Variants in NR5A2 observed in about 807,000 individuals in gnomAD.
NR5A2 encodes the protein nuclear receptor subfamily 5 group A member 2.
In NR5A2, 26 loss-of-function variants were observed where a neutral mutation model predicts 62.7. The observed-to-expected ratio is 0.41, with a 90% CI of 0.30 to 0.58. NR5A2 has a LOEUF of 0.58. Ranked by LOEUF, NR5A2 falls within the 20% of genes least tolerant of loss-of-function variation. NR5A2 has a pLI of 0.22. For missense variants in NR5A2, 541 were observed against 669.1 expected, an observed-to-expected ratio of 0.81 and a Z score of 2.11; for synonymous variants, 246 against 241.7, an observed-to-expected ratio of 1.02 and a Z score of -0.16.
intron 6 of NR5A2, among the ~76,000 whole-genome samples, chr1:200,117,678 GTCTTCCT>G (rs1666287118): frequency 1.3e-5 from 2 of 151,816 alleles, no homozygotes; most frequent in Admixed American, 6.6e-5. Flanking sequence ...TTTTAGTATG[GTCTTCCT>G]GATTCAGGCC....
intron 5 of NR5A2, among the ~76,000 whole-genome samples, chr1:200,070,267 CTT>C (rs1663678883): frequency 6.6e-6 from 1 of 152,024 alleles, no homozygotes; most frequent in Non-Finnish European, 1.5e-5. Context: ...CTTTCTCGGT[CTT>C]TTGGTTTGAG....
chr1:200,094,524 C>CATTT (rs548394542), intron 5 of NR5A2, among the ~76,000 whole-genome samples: 1 of 59,802 alleles, frequency 1.7e-5, no homozygotes, highest in Admixed American at 2.6e-4. Flanking sequence ...TTAAATGCCA[C>CATTT]TTTTTTTTTT....
intron 7 of NR5A2, among the ~76,000 whole-genome samples, chr1:200,154,608 A>G (rs140358194): frequency 0.011 from 1,717 of 152,362 alleles, 20 homozygotes; most frequent in Admixed American, 0.019. Context: ...AGCCCCAGCT[A>G]CTGCAGAGGC....
intron 5 of NR5A2, among the ~76,000 whole-genome samples, chr1:200,073,360 G>A (rs1434696354): frequency 4.6e-5 from 6 of 131,224 alleles, no homozygotes; most frequent in East Asian, 2.1e-4. Context: ...ATATATATGC[G>A]CACACATACT....
intron 1 of NR5A2, chr1:200,038,852 G>T (rs1661908100): frequency 1.1e-6 from 1 of 918,852 alleles, no homozygotes; most frequent in Non-Finnish European, 1.5e-6. Flanking sequence ...GAAGAGGTTG[G>T]GGCAGGCCGG....
chr1:200,092,821 C>T (rs1161916053), intron 5 of NR5A2, among the ~76,000 whole-genome samples: 2 of 147,958 alleles, frequency 1.4e-5, no homozygotes, highest in African/African-American at 5.0e-5. Context: ...TATCTGAATA[C>T]AGGCAGATGA....
intron 5 of NR5A2, among the ~76,000 whole-genome samples, chr1:200,064,756 T>C (rs1251126228): frequency 6.6e-6 from 1 of 152,174 alleles, no homozygotes; most frequent in South Asian, 2.1e-4. Context: ...TAAATATTGT[T>C]TTGTTTTTAA....
chr1:200,126,580 A>G (rs1040109046), intron 7 of NR5A2, among the ~76,000 whole-genome samples: 15 of 151,866 alleles, frequency 9.9e-5, no homozygotes, highest in African/African-American at 3.6e-4. Context: ...AATTTGAAGA[A>G]AGAGAGACTA....
chr1:200,049,898 G>A (rs1662547123), intron 5 of NR5A2, among the ~76,000 whole-genome samples: 1 of 152,208 alleles, frequency 6.6e-6, no homozygotes, highest in African/African-American at 2.4e-5. Context: ...CATGCAAATG[G>A]AAAATAATGC....
chr1:200,120,866 A>G lies in NR5A2; in HGVS notation c.1289A>G (p.His430Arg). 1 of 1,609,058 alleles carries G rather than the reference A, an allele frequency of 6.2e-7. No homozygotes were observed. The highest frequency in any genetic ancestry group is 1.1e-5 in the South Asian group (1 of 89,906). The change falls in exon 7 of 8, where the codon CAT (histidine) becomes CGT (arginine). Residue 430 changes from histidine to arginine, a missense_variant. Transcript: ENST00000367362. ...GCCACCCTCAACAACCTCATGAGTC[A>G]TGCACAGGAGTTAGTGGCAAAACTT... is the stretch of plus-strand genomic sequence containing the variant. ...AGATLNNLMS[H>R]AQELVAKLRS...
intron 1 of NR5A2, chr1:200,038,758 C>T: frequency 4.4e-6 from 6 of 1,364,808 alleles, no homozygotes; most frequent in Non-Finnish European, 4.9e-6. Context: ...AGACAGAGGT[C>T]GCTTCTGACT....
intron 7 of NR5A2, among the ~76,000 whole-genome samples, chr1:200,122,438 G>A (rs1314667740): frequency 6.6e-6 from 1 of 152,130 alleles, no homozygotes; most frequent in Non-Finnish European, 1.5e-5. Flanking sequence ...CATTTCAATG[G>A]TATTTTAAAT....
At chr1:200,117,588 C>T (rs1666283978) in intron 6 of NR5A2, among the ~76,000 whole-genome samples, 1 of 152,130 alleles carries the variant, frequency 6.6e-6, no homozygotes, top group Non-Finnish European at 1.5e-5. Flanking sequence ...TTATTATACA[C>T]CTGTTAGAAC....
chr1:200,087,918 AT>A (rs1158910879), intron 5 of NR5A2, among the ~76,000 whole-genome samples: 2 of 151,562 alleles, frequency 1.3e-5, no homozygotes, highest in African/African-American at 4.9e-5. Context: ...TGCTCAGCTA[AT>A]TTTTATATTT....
intron 5 of NR5A2, among the ~76,000 whole-genome samples, chr1:200,077,462 CCAG>C (rs1664092986): frequency 6.6e-6 from 1 of 152,146 alleles, no homozygotes; most frequent in Non-Finnish European, 1.5e-5. Context: ...GCCTGTAATC[CCAG>C]CACATTGGGA....
chr1:200,140,494 C>G (rs1393969210), intron 7 of NR5A2, among the ~76,000 whole-genome samples: 1 of 152,112 alleles, frequency 6.6e-6, no homozygotes, highest in Non-Finnish European at 1.5e-5. Context: ...TTGTTTTCTC[C>G]TGTTCAGTTG....
At chr1:200,030,262 T>G (rs575541533) in intron 1 of NR5A2, among the ~76,000 whole-genome samples, 2 of 152,174 alleles carry the variant, frequency 1.3e-5, no homozygotes, top group Non-Finnish European at 2.9e-5. Context: ...TTCAGTTGTG[T>G]TGTACTAGGA....
intron 5 of NR5A2, among the ~76,000 whole-genome samples, chr1:200,105,596 A>G (rs1209228573): frequency 6.6e-6 from 1 of 152,262 alleles, no homozygotes; most frequent in Non-Finnish European, 1.5e-5. Context: ...AAATTAGTTC[A>G]TATCTACTTA....
At chr1:200,081,863 A>T (rs1376121799) in intron 5 of NR5A2, among the ~76,000 whole-genome samples, 4 of 151,104 alleles carry the variant, frequency 2.6e-5, no homozygotes, top group Non-Finnish European at 5.9e-5. Context: ...GGTCTCCCTG[A>T]CACTTTGTAT....
Sources: allele counts gnomAD v4.1 joint callset (sites outside exome capture counted in the v4.1 genomes callset), GRCh38; gene constraint gnomAD v4.1.1; transcripts MANE v1.5; gene names NCBI Gene and HGNC (gene_info 2026-07-23, HGNC 2026-07-21).